The following OXR1 variants were observed in gnomAD, a reference collection of about 807,000 sequenced individuals.
The protein encoded by OXR1 is oxidation resistance 1.
Under a neutral mutation model 104.6 loss-of-function variants are expected in OXR1, and 41 were observed. The observed-to-expected ratio is 0.39, with a 90% CI of 0.31 to 0.51. The LOEUF (loss-of-function observed/expected upper bound fraction) is 0.51, where lower values mean the gene tolerates loss of function less well. OXR1 is among the 20% of genes least tolerant of loss of function. The pLI is 0.77. For synonymous variants in OXR1, 348 were observed against 348.4 expected, an observed-to-expected ratio of 1.00 and a Z score of 0.01; for missense variants, 955 against 1,031.9, an observed-to-expected ratio of 0.93 and a Z score of 1.02.
Position 106,596,211 on chromosome 8 carries a change from C to T in OXR1, c.220+77072C>T, listed in dbSNP as rs548108251. Among the ~76,000 whole-genome samples the T allele has an allele frequency of 2.6e-5, 4 of 151,980 alleles. No homozygotes were observed. The East Asian group carries it at 7.7e-4, about 29-fold the overall frequency. ...CTACAATCCCCACACTTTGGGAGGCCAAGGTGGGCAGATCACTTGAGATCA... is the reference window on the plus strand; with the variant it reads ...CTACAATCCCCACACTTTGGGAGGCTAAGGTGGGCAGATCACTTGAGATCA... On this transcript the variant is annotated intron_variant, in intron 3 of 16. Transcript: ENST00000517566.
intron 3 of OXR1, among the ~76,000 whole-genome samples, chr8:106,586,213 G>A (rs1818618897): frequency 2.0e-5 from 3 of 152,188 alleles, no homozygotes; most frequent in South Asian, 4.1e-4. Context: ...CAAGATGGTA[G>A]TGCTAGAGGT....
At chr8:106,306,339 C>T (rs1448229127) in intron 1 of OXR1, among the ~76,000 whole-genome samples, 2 of 151,994 alleles carry the variant, frequency 1.3e-5, no homozygotes, top group Non-Finnish European at 2.9e-5. Context: ...CTTCCGGTAT[C>T]CATTATATCT....
chr8:106,384,367 T>A (rs2022980), intron 2 of OXR1, among the ~76,000 whole-genome samples: 58,141 of 151,970 alleles, frequency 0.38, 12,502 homozygotes, highest in South Asian at 0.5. Context: ...ATCACATGAC[T>A]CGGGACAGCT....
At chr8:106,423,930 A>G (rs908569395) in intron 2 of OXR1, among the ~76,000 whole-genome samples, 1 of 151,856 alleles carries the variant, frequency 6.6e-6, no homozygotes, top group African/African-American at 2.4e-5. Context: ...ACTAGTCTTG[A>G]TTTTTTGTTT....
At chr8:106,419,783 G>A (rs1425115068) in intron 2 of OXR1, among the ~76,000 whole-genome samples, 2 of 152,248 alleles carry the variant, frequency 1.3e-5, no homozygotes, top group African/African-American at 4.8e-5. Flanking sequence ...TTAGCTGACA[G>A]TTTTATTTTA....
chr8:106,399,789 C>T (rs1040583055), intron 2 of OXR1, among the ~76,000 whole-genome samples: 1 of 152,146 alleles, frequency 6.6e-6, no homozygotes. Context: ...CAAGGCCACA[C>T]AGCTAATTAG....
At chr8:106,472,768 G>T (rs1821586409) in intron 2 of OXR1, among the ~76,000 whole-genome samples, 1 of 151,790 alleles carries the variant, frequency 6.6e-6, no homozygotes, top group South Asian at 2.1e-4. Flanking sequence ...AGTGTCCAGT[G>T]GTTCTATTTC....
intron 3 of OXR1, among the ~76,000 whole-genome samples, chr8:106,523,703 A>G (rs1813427421): frequency 6.6e-6 from 1 of 152,212 alleles, no homozygotes; most frequent in Admixed American, 6.5e-5. Flanking sequence ...TAGAATGGTT[A>G]ATTAGAGCTA....
At chr8:106,710,520 T>G in intron 9 of OXR1, 102 bp from the exon 10 acceptor site, 1 of 681,404 alleles carries the variant, frequency 1.5e-6, no homozygotes, top group Non-Finnish European at 2.3e-6. Context: ...AGTGAGGTTT[T>G]ATTCTGTAAC....
At chr8:106,356,676 G>A (rs1239319915) in intron 1 of OXR1, among the ~76,000 whole-genome samples, 1 of 151,732 alleles carries the variant, frequency 6.6e-6, no homozygotes, top group Non-Finnish European at 1.5e-5. Context: ...TTATGCATAT[G>A]TTTGTATATA....
intron 1 of OXR1, among the ~76,000 whole-genome samples, chr8:106,270,611 GGAA>G (rs1240540645): frequency 6.6e-6 from 1 of 152,158 alleles, no homozygotes; most frequent in African/African-American, 2.4e-5. Flanking sequence ...GGCGGACTTG[GGAA>G]GAAGGAAAGA....
At chr8:106,346,576 C>G (rs1050106301) in intron 1 of OXR1, among the ~76,000 whole-genome samples, 1 of 151,086 alleles carries the variant, frequency 6.6e-6, no homozygotes, top group Admixed American at 6.6e-5. Flanking sequence ...GGATGATAAA[C>G]TAAGAAAATT....
chr8:106,436,766 A>G (rs1369734266), intron 2 of OXR1, among the ~76,000 whole-genome samples: 1 of 152,158 alleles, frequency 6.6e-6, no homozygotes, highest in East Asian at 1.9e-4. Context: ...CAGCAGCTAC[A>G]GGCTCACATC....
chr8:106,452,859 T>C (rs1563531887), intron 2 of OXR1, among the ~76,000 whole-genome samples: 1 of 139,522 alleles, frequency 7.2e-6, no homozygotes, highest in Non-Finnish European at 1.6e-5. Flanking sequence ...GGCAATCCTT[T>C]AGTGGATCTG....
At chr8:106,443,350 A>T (rs934649614) in intron 2 of OXR1, among the ~76,000 whole-genome samples, 1 of 152,092 alleles carries the variant, frequency 6.6e-6, no homozygotes, top group African/African-American at 2.4e-5. Context: ...TTTTAGAATA[A>T]GTGCCATGTG....
At chr8:106,610,296 CA>C (rs1820718789) in intron 3 of OXR1, among the ~76,000 whole-genome samples, 1 of 152,112 alleles carries the variant, frequency 6.6e-6, no homozygotes, top group Admixed American at 6.6e-5. Flanking sequence ...TATTCAGCTT[CA>C]TATATCACAC....
chr8:106,353,522 AATT>A (rs1322557868), intron 1 of OXR1, among the ~76,000 whole-genome samples: 1 of 152,046 alleles, frequency 6.6e-6, no homozygotes, highest in Non-Finnish European at 1.5e-5. Context: ...AATGTCACTA[AATT>A]ATTATTTTTG....
intron 2 of OXR1, among the ~76,000 whole-genome samples, chr8:106,471,328 A>G (rs1416014516): frequency 6.6e-6 from 1 of 151,650 alleles, no homozygotes; most frequent in Non-Finnish European, 1.5e-5. Context: ...GTGTTTCTCT[A>G]TTAATTGCTT....
intron 2 of OXR1, among the ~76,000 whole-genome samples, chr8:106,367,900 G>C (rs1024435553): frequency 1.3e-5 from 2 of 152,102 alleles, no homozygotes; most frequent in African/African-American, 4.8e-5. Context: ...AAAAGTATCT[G>C]GTATGCTTGG....
Sources: allele counts gnomAD v4.1 joint callset (sites outside exome capture counted in the v4.1 genomes callset), GRCh38; gene constraint gnomAD v4.1.1; transcripts MANE v1.5; gene names NCBI Gene and HGNC (gene_info 2026-07-23, HGNC 2026-07-21).